Variants in MTA3 observed in about 807,000 individuals in gnomAD.
MTA3 encodes metastasis associated 1 family member 3, also known as metastasis-associated protein MTA3.
A neutral mutation model predicts 83.5 loss-of-function variants in MTA3; 34 were observed. The observed-to-expected ratio is 0.41, with a 90% confidence interval of 0.31 to 0.54. The LOEUF (loss-of-function observed/expected upper bound fraction) is 0.54. Ranked by LOEUF, MTA3 falls within the 20% of genes least tolerant of loss-of-function variation. The pLI, the probability that MTA3 is intolerant of heterozygous loss-of-function variation, is 0.33. For synonymous variants in MTA3, 303 were observed against 252.7 expected (o/e 1.20, Z -1.89); for missense variants, 761 against 726.4 (o/e 1.05, Z -0.55).
intron 3 of MTA3, among the ~76,000 whole-genome samples, chr2:42,593,978 G>A (rs1401767562): frequency 7.9e-6 from 1 of 126,192 alleles, no homozygotes; most frequent in African/African-American, 3.0e-5. Context: ...TTTTTGAGAC[G>A]TCTTCTTTTG....
intron 2 of MTA3, among the ~76,000 whole-genome samples, chr2:42,524,475 T>TG (rs1675580485): frequency 1.9e-5 from 2 of 107,678 alleles, no homozygotes; most frequent in African/African-American, 7.4e-5. Context: ...TAGTTGTGTT[T>TG]TTTTTTTTTT....
At chr2:42,565,168 C>G (rs1272629210), upstream of MTA3, among the ~76,000 whole-genome samples, 1 of 152,030 alleles carries the variant, frequency 6.6e-6, no homozygotes, top group Non-Finnish European at 1.5e-5. Flanking sequence ...ACCTATTCAC[C>G]TAAAGCTTTC....
intron 16 of MTA3, among the ~76,000 whole-genome samples, chr2:42,747,462 T>C (rs78964559): frequency 0.018 from 2,677 of 152,088 alleles, 80 homozygotes; most frequent in African/African-American, 0.062. Context: ...GCATATGTTT[T>C]TGGTTTCTAA....
At chr2:42,660,735 A>G (rs1689617146) in intron 8 of MTA3, among the ~76,000 whole-genome samples, 1 of 152,232 alleles carries the variant, frequency 6.6e-6, no homozygotes, top group Non-Finnish European at 1.5e-5. Flanking sequence ...TTGTTTTCTA[A>G]TGAAATGGAA....
In MTA3 at chr2:42,753,996, A is replaced by G. The variant is rs958936258; in HGVS notation, c.*597A>G. 8.1e-6 allele frequency: 8 copies of G among 985,374 alleles called. 1 individual carries two copies. Among genetic ancestry groups the G allele is most frequent in the South Asian group, 9.4e-5 (2 of 21,334 alleles). 61.0% of individuals were successfully genotyped at this position (985,374 alleles called of 1,614,324 possible). A position where few individuals can be genotyped will look rare whatever the true frequency, so the allele number is the denominator to read the frequency against. On this transcript the variant is annotated 3_prime_UTR_variant, in exon 17 of 17. Coordinates refer to ENST00000405094, the MANE Select transcript of MTA3 (RefSeq NM_001330442.2). ...TTTGCTGTTTACCCTCTGCATTCCT[A>G]TATGTGACCCTCCCTCCTACTCCTC...
chr2:42,637,582 C>T (rs2104288410), intron 4 of MTA3, among the ~76,000 whole-genome samples: 1 of 152,220 alleles, frequency 6.6e-6, no homozygotes, highest in Non-Finnish European at 1.5e-5. Context: ...ATTACATATT[C>T]ATATTTACTT....
At chr2:42,609,660 C>T in intron 4 of MTA3, 76 bp downstream of exon 4, 1 of 1,472,208 alleles carries the variant, frequency 6.8e-7, no homozygotes, top group Non-Finnish European at 9.2e-7. Context: ...AAGCGTTTTC[C>T]AGACTCTTCT....
At chr2:42,578,472 A>G (rs977613355) in intron 2 of MTA3, among the ~76,000 whole-genome samples, 1 of 152,222 alleles carries the variant, frequency 6.6e-6, no homozygotes, top group Non-Finnish European at 1.5e-5. Context: ...ATATTTTTAG[A>G]TGTGAAGGTA....
chr2:42,739,009 G>T (rs1051242256), intron 16 of MTA3, among the ~76,000 whole-genome samples: 1 of 152,194 alleles, frequency 6.6e-6, no homozygotes, highest in African/African-American at 2.4e-5. Context: ...CCTGGGTCCT[G>T]TGGTCCTGTG....
intron 3 of MTA3, among the ~76,000 whole-genome samples, chr2:42,592,797 C>T (rs1193903175): frequency 1.3e-5 from 2 of 152,102 alleles, no homozygotes; most frequent in Non-Finnish European, 2.9e-5. Flanking sequence ...TCCGAAGGAC[C>T]TGTCTGGGGC....
At chr2:42,546,642 T>G (rs1367520814) in intron 2 of MTA3, among the ~76,000 whole-genome samples, 1 of 152,146 alleles carries the variant, frequency 6.6e-6, no homozygotes, top group Admixed American at 6.6e-5. Context: ...TTGGTCATCT[T>G]TTTTCCTGGT....
At chr2:42,650,515 C>T (rs150076842) in intron 6 of MTA3, among the ~76,000 whole-genome samples, 1,547 of 152,190 alleles carry the variant, frequency 0.01, 23 homozygotes, top group African/African-American at 0.034. Flanking sequence ...TCTCGGTTCA[C>T]TGCAAGCTCC....
intron 2 of MTA3, among the ~76,000 whole-genome samples, chr2:42,573,804 C>G (rs1458304692): frequency 6.6e-6 from 1 of 151,692 alleles, no homozygotes; most frequent in African/African-American, 2.4e-5. Flanking sequence ...AGCCACTGCC[C>G]CAGCATTTTC....
intron 14 of MTA3, among the ~76,000 whole-genome samples, chr2:42,709,885 T>C (rs1056480196): frequency 1.3e-5 from 2 of 152,266 alleles, no homozygotes; most frequent in African/African-American, 4.8e-5. Context: ...TTTTTATTTT[T>C]ATTTTTGTTA....
At chr2:42,663,122 C>G (rs972674497) in intron 8 of MTA3, among the ~76,000 whole-genome samples, 7 of 152,144 alleles carry the variant, frequency 4.6e-5, no homozygotes, top group African/African-American at 1.7e-4. Flanking sequence ...TTTATGTAAC[C>G]AGTCCCTTGT....
Position 42,695,821 on chromosome 2 carries a change from T to C in MTA3, c.948T>C (p.Thr316=), listed in dbSNP as rs371153904. ...AATATTATTACATGTGGAAAACTAC[T>C]GACAGATATGTGCAACAGGTAATTT... ...IIEYYYMWKT[T]DRYVQQKRLK... is the part of the protein sequence containing the mutation. Residue 316 remains threonine, a synonymous_variant, in exon 10 of 17, where the codon ACT becomes ACC. Coordinates refer to ENST00000405094, the MANE Select transcript of MTA3 (RefSeq NM_001330442.2). 6.3e-7 allele frequency: 1 copy of C among 1,587,582 alleles called. No homozygotes were observed. The highest frequency in any genetic ancestry group is 8.6e-7 in the Non-Finnish European group (1 of 1,166,174).
At chr2:42,593,340 GAC>G (rs1311408507) in intron 3 of MTA3, among the ~76,000 whole-genome samples, 1 of 64,230 alleles carries the variant, frequency 1.6e-5, no homozygotes, top group Non-Finnish European at 2.9e-5. Context: ...GACAGAGCGA[GAC>G]TCTGTGTCAA....
At chr2:42,678,348 T>A (rs1002711585) in intron 8 of MTA3, among the ~76,000 whole-genome samples, 6 of 152,290 alleles carry the variant, frequency 3.9e-5, no homozygotes, top group Non-Finnish European at 8.8e-5. Flanking sequence ...TTTATTTATT[T>A]ATTTTTTTTG....
chr2:42,710,549 CAAAA>C lies in MTA3; in HGVS notation c.1525+1475_1525+1478del, dbSNP rs765315082. Among the ~76,000 whole-genome samples the C allele has an allele frequency of 1.8e-3, 109 of 61,066 alleles. No individual in the cohort carries two copies. In the South Asian group the frequency reaches 0.03, roughly 17 times the overall value. The allele number at this position is 61,066 out of a possible 152,430, so 40.1% of individuals were successfully genotyped here. Reference sequence around the variant, plus strand: ...CTGGGCAATGAGCGAAACTTCATCTCAAAAAAAAAAAAAAAAAAAAAAAAAGAAA... The same window carrying C: ...CTGGGCAATGAGCGAAACTTCATCTCAAAAAAAAAAAAAAAAAAAAAGAAA... On this transcript the variant is annotated intron_variant, in intron 14 of 16. Transcript: ENST00000405094.
Sources: gnomAD v4.1 joint callset for allele counts (sites outside exome capture counted in the v4.1 genomes callset) on GRCh38, gnomAD v4.1.1 for gene constraint, MANE v1.5 for transcripts, NCBI Gene and HGNC (gene_info 2026-07-23, HGNC 2026-07-21) for gene names.